The following AKAP6 variants were observed in gnomAD, a reference collection of about 807,000 sequenced individuals.
The protein encoded by AKAP6 is A-kinase anchor protein 6.
A neutral mutation model predicts 188.5 loss-of-function variants in AKAP6; 58 were observed. The observed-to-expected ratio is 0.31, with a 90% CI of 0.25 to 0.38. The LOEUF is 0.38. Among genes scored for constraint, AKAP6 ranks in the 10% least tolerant of loss-of-function variants. The pLI is 1.00. For missense variants in AKAP6, 2,710 were observed against 2,740.0 expected, an observed-to-expected ratio of 0.99 and a Z score of 0.24; for synonymous variants, 989 against 998.6, an observed-to-expected ratio of 0.99 and a Z score of 0.18.
chr14:32,724,084 T>C (rs2030714817), intron 9 of AKAP6, among the ~76,000 whole-genome samples: 1 of 152,202 alleles, frequency 6.6e-6, no homozygotes, highest in Non-Finnish European at 1.5e-5. Context: ...TCTTCTTTTT[T>C]TTTCCTTAGA....
In AKAP6 at chr14:32,823,337, A is replaced by G. The variant is rs776887767; in HGVS notation, c.5524A>G (p.Thr1842Ala). 6.2e-7 allele frequency: 1 copy of G among 1,613,734 alleles called. No individual in the cohort carries two copies. The highest frequency in any genetic ancestry group is 1.1e-5 in the South Asian group (1 of 91,074). The change falls in exon 13 of 14, where the codon ACT becomes GCT. Residue 1842 changes from threonine to alanine, a missense_variant. Coordinates refer to ENST00000280979, the MANE Select transcript of AKAP6 (RefSeq NM_004274.5). ...SSSEMTNPSD[T>A]LNIETLLNGS... is the part of the protein sequence containing the mutation. The stretch of plus-strand genomic sequence containing the variant: ...CAGTGAGATGACCAATCCCTCTGAT[A>G]CTCTGAATATTGAGACCCTTCTAAA...
intron 9 of AKAP6, among the ~76,000 whole-genome samples, chr14:32,731,503 T>C (rs2031175145): frequency 6.6e-6 from 1 of 152,110 alleles, no homozygotes; most frequent in Non-Finnish European, 1.5e-5. Context: ...AATACTACCA[T>C]GGAACTCAGT....
intron 1 of AKAP6, among the ~76,000 whole-genome samples, chr14:32,381,934 G>A (rs940146241): frequency 1.3e-5 from 2 of 151,928 alleles, no homozygotes; most frequent in Non-Finnish European, 2.9e-5. Flanking sequence ...GTATGATCTC[G>A]TCTCTTCCCT....
chr14:32,738,626 G>T (rs2031543039), intron 11 of AKAP6, among the ~76,000 whole-genome samples: 1 of 152,126 alleles, frequency 6.6e-6, no homozygotes, highest in Non-Finnish European at 1.5e-5. Flanking sequence ...AATTTGAGTT[G>T]TGGAAAGGTA....
At chr14:32,429,160 A>G (rs530059758) in intron 1 of AKAP6, among the ~76,000 whole-genome samples, 22 of 152,338 alleles carry the variant, frequency 1.4e-4, no homozygotes, top group African/African-American at 5.1e-4. Context: ...TGTGCACTTG[A>G]TCAAATTTTT....
intron 11 of AKAP6, among the ~76,000 whole-genome samples, chr14:32,762,016 TA>T (rs1462608645): frequency 2.0e-5 from 3 of 152,078 alleles, no homozygotes; most frequent in Non-Finnish European, 4.4e-5. Flanking sequence ...TATAATAATA[TA>T]AAAATAAATG....
chr14:32,419,570 A>C (rs1889770658), intron 1 of AKAP6, among the ~76,000 whole-genome samples: 2 of 152,174 alleles, frequency 1.3e-5, no homozygotes, highest in African/African-American at 2.4e-5. Context: ...TGTCTTAAAA[A>C]ATAAAAGTTA....
chr14:32,812,477 G>T (rs1456487796), intron 12 of AKAP6, among the ~76,000 whole-genome samples: 1 of 152,108 alleles, frequency 6.6e-6, no homozygotes, highest in East Asian at 1.9e-4. Flanking sequence ...TATAGTGACT[G>T]AGAAACAAAA....
At chr14:32,634,587 C>T (rs1170022564) in intron 7 of AKAP6, among the ~76,000 whole-genome samples, 3 of 152,010 alleles carry the variant, frequency 2.0e-5, no homozygotes, top group Admixed American at 6.6e-5. Flanking sequence ...CATGGCTATC[C>T]AGTCTAATTA....
rs761764582 is a variant in AKAP6 at position 32,732,649 on chromosome 14, G to C, written c.3147+49G>C. 2.5e-6 allele frequency: 4 copies of C among 1,589,830 alleles called. No homozygotes were observed. In the African/African-American group the frequency reaches 5.4e-5, roughly 21 times the overall value. On this transcript the variant is annotated intron_variant, in intron 10 of 13. Transcript: ENST00000280979. ...TGTAGGTTATGTGTACATTTTTTGCGTAGTGAAGTACTCTGTCCGATTTCT... is the reference window on the plus strand; with the variant it reads ...TGTAGGTTATGTGTACATTTTTTGCCTAGTGAAGTACTCTGTCCGATTTCT...
intron 1 of AKAP6, among the ~76,000 whole-genome samples, chr14:32,381,834 C>T (rs1888372076): frequency 6.6e-6 from 1 of 152,138 alleles, no homozygotes; most frequent in Non-Finnish European, 1.5e-5. Flanking sequence ...CCCAAGGCTC[C>T]TCACATTCTT....
At chr14:32,769,051 T>TTTTTTTTTTTTTG (rs2032811943) in intron 11 of AKAP6, among the ~76,000 whole-genome samples, 1 of 115,316 alleles carries the variant, frequency 8.7e-6, no homozygotes. Context: ...TTTTTTTTTT[T>TTTTTTTTTTTTTG]TTTTTTTTTT....
chr14:32,694,728 C>A (rs920419058), intron 8 of AKAP6, among the ~76,000 whole-genome samples: 14 of 139,466 alleles, frequency 1.0e-4, no homozygotes, highest in Non-Finnish European at 6.5e-5. Context: ...TATTCCCCCC[C>A]ACCCCATCAC....
At chr14:32,375,822 C>G (rs546776860) in intron 1 of AKAP6, 1 of 152,134 alleles carries the variant, frequency 6.6e-6, no homozygotes, top group Non-Finnish European at 1.5e-5. Context: ...CAAAGTCATT[C>G]AGACTTGCCT....
At chr14:32,590,422 C>T (rs148034209) in intron 5 of AKAP6, among the ~76,000 whole-genome samples, 1,666 of 152,168 alleles carry the variant, frequency 0.011, 34 homozygotes, top group African/African-American at 0.038. Context: ...GCCTGAGTGG[C>T]TGGGCAAGAC....
At chr14:32,781,348 C>CAAA (rs34848067) in intron 12 of AKAP6, among the ~76,000 whole-genome samples, 2 of 117,242 alleles carry the variant, frequency 1.7e-5, no homozygotes, top group Non-Finnish European at 3.7e-5. Flanking sequence ...AACTTACTCT[C>CAAA]AAAAAAAAAA....
chr14:32,358,316 C>T (rs1396928158), intron 1 of AKAP6, among the ~76,000 whole-genome samples: 2 of 152,198 alleles, frequency 1.3e-5, no homozygotes, highest in East Asian at 1.9e-4. Flanking sequence ...CTTACACTTG[C>T]TTAGTTCAGA....
At chr14:32,632,769 C>T (rs1263566567) in intron 7 of AKAP6, among the ~76,000 whole-genome samples, 1 of 152,050 alleles carries the variant, frequency 6.6e-6, no homozygotes, top group Non-Finnish European at 1.5e-5. Context: ...GATTCAGACT[C>T]TAGCTTTATA....
At chr14:32,655,992 A>G (rs1260618760) in intron 7 of AKAP6, among the ~76,000 whole-genome samples, 1 of 152,156 alleles carries the variant, frequency 6.6e-6, no homozygotes, top group Middle Eastern at 3.2e-3. Context: ...CAAGATAAAT[A>G]TCTCTCGTCT....
Sources: allele counts gnomAD v4.1 joint callset (sites outside exome capture counted in the v4.1 genomes callset), GRCh38; gene constraint gnomAD v4.1.1; transcripts MANE v1.5; gene names NCBI Gene and HGNC (gene_info 2026-07-23, HGNC 2026-07-21).